DPP9: variants seen among roughly 807,000 people sequenced by gnomAD.
The protein encoded by DPP9 is dipeptidyl peptidase IV-related protein-2.
DPP9 carries 50 observed loss-of-function variants against 110.7 expected under a neutral mutation model. The observed-to-expected ratio is 0.45, with a 90% CI of 0.36 to 0.57. The LOEUF (loss-of-function observed/expected upper bound fraction) is 0.57, where lower values mean the gene tolerates loss of function less well. Among genes scored for constraint, DPP9 ranks in the 20% least tolerant of loss-of-function variants. The pLI is 0.00. For synonymous variants in DPP9, 561 were observed against 514.4 expected, an observed-to-expected ratio of 1.09 and a Z score of -1.23; for missense variants, 1,022 against 1,217.9, an observed-to-expected ratio of 0.84 and a Z score of 2.39.
chr19:4,704,202 T>C lies in DPP9; in HGVS notation c.529A>G (p.Ser177Gly). Reference protein sequence around the residue: ...GITSYDFHSESGLFLFQASNS... With the variant: ...GITSYDFHSEGGLFLFQASNS... ...CTGGCCTGGAAGAGGAAGAGGCCAC[T>C]CTCGCTGTGGAAGTCGTAGGAGGTG... Residue 177 changes from serine to glycine, a missense_variant, in exon 6 of 22, where the codon AGT (serine) becomes GGT (glycine). Ser to Gly is a moderately conservative substitution (Grantham distance 56). Coordinates refer to ENST00000262960, the MANE Select transcript of DPP9 (RefSeq NM_139159.5). The surrounding 1 kb of genome is among the most constrained non-coding windows in gnomAD (Gnocchi z 6.0). The C allele has an allele frequency of 6.2e-7, 1 of 1,613,968 alleles. No individual in the cohort carries two copies. The highest frequency in any genetic ancestry group is 8.5e-7 in the Non-Finnish European group (1 of 1,179,878).
chr19:4,702,085 G>C lies in DPP9; in HGVS notation c.954C>G (p.His318Gln). 1 of 1,613,968 alleles carries C rather than the reference G, an allele frequency of 6.2e-7. No homozygotes were observed. The highest frequency in any genetic ancestry group is 8.5e-7 in the Non-Finnish European group (1 of 1,179,850). ...TTTCTTCTAGCGCAGGAGAGGGGAC[G>C]TGAATGACCTCCACCTCGGACTCAT... The part of the protein sequence containing the change: ...EVDESEVEVI[H>Q]VPSPALEERK... The change falls in exon 9 of 22, where the codon CAC becomes CAG. Residue 318 changes from histidine (H) to glutamine (Q), a missense_variant. This residue lies in a region of DPP9 where 810 missense variants were observed against 920.6 expected (regional missense o/e 0.88). Transcript: ENST00000262960.
Position 4,704,152 on chromosome 19 carries a change from G to C in DPP9, c.579C>G (p.Asp193Glu). Residue 193 changes from aspartate (D) to glutamate (E), a missense_variant, in exon 6 of 22, where the codon GAC becomes GAG. Transcript: ENST00000262960. This position sits in a 1 kb window ranked among gnomAD's most constrained non-coding sequence, Gnocchi z 6.0. The part of the protein sequence containing the change: ...QASNSLFHCR[D>E]GGKNGFMVSP... Reference sequence around the variant, plus strand: ...TCACCATGAAGCCGTTCTTGCCGCCGTCGCGGCAGTGGAAGAGGCTGTTGC... The same window carrying C: ...TCACCATGAAGCCGTTCTTGCCGCCCTCGCGGCAGTGGAAGAGGCTGTTGC... 2 of 1,613,962 alleles carry C rather than the reference G, an allele frequency of 1.2e-6. No individual in the cohort carries two copies. The highest frequency in any genetic ancestry group is 1.7e-6 in the Non-Finnish European group (2 of 1,179,900).
At chr19:4,721,979 C>G (rs758510) in intron 2 of DPP9, among the ~76,000 whole-genome samples, 107,827 of 152,054 alleles carry the variant, frequency 0.71, 38,634 homozygotes, top group Middle Eastern at 0.85. Flanking sequence ...TGAGCTTCCA[C>G]TTCCCCAGCG....
rs1480273302 is a variant in DPP9, at chr19:4,719,894, T to C, written c.13A>G (p.Lys5Glu). Residue 5 changes from lysine (K) to glutamate (E), a missense_variant, in exon 3 of 22, where the codon AAG (lysine) becomes GAG (glutamate). By Grantham distance (56) the Lys-to-Glu change is moderately conservative. Coordinates refer to ENST00000262960, the MANE Select transcript of DPP9 (RefSeq NM_139159.5). MRKV[K>E]KLRLDKENTG... ...TTCTCCTTGTCCAGGCGCAGTTTCT[T>C]AACCTTCCGCATTAACCGCTCAGCT... 6.4e-7 allele frequency: 1 copy of C among 1,551,738 alleles called. No homozygotes were observed. The highest frequency in any genetic ancestry group is 8.7e-7 in the Non-Finnish European group (1 of 1,147,006).
In DPP9 at chr19:4,689,541, G is replaced by A; in HGVS notation, c.1749+29C>T. 1 of 1,541,362 alleles carries A rather than the reference G, an allele frequency of 6.5e-7. No individual in the cohort carries two copies. Among genetic ancestry groups the A allele is most frequent in the African/African-American group, 1.4e-5 (1 of 73,198 alleles). On this transcript the variant is annotated intron_variant, in intron 15 of 21. Coordinates refer to ENST00000262960, the MANE Select transcript of DPP9 (RefSeq NM_139159.5). The surrounding 1 kb of genome is among the most constrained non-coding windows in gnomAD (Gnocchi z 7.0). The stretch of plus-strand genomic sequence containing the variant: ...GCTGGGAGCTGTTGGACGGGCACAG[G>A]GCGGTGCCGTGAGGCTGGGCGGTCC...
At position 4,697,040 on chromosome 19, in the gene DPP9, A is replaced by G. The variant is rs571194438; in HGVS notation, c.1175+511T>C. Among the ~76,000 whole-genome samples, 12 of 152,032 alleles carry G rather than the reference A, an allele frequency of 7.9e-5. No homozygotes were observed. In the South Asian group the frequency reaches 2.3e-3, roughly 29 times the overall value. ...CTTGAGCCTGGGAATTCGGGGCTGC[A>G]GTGAGTTATGATCGCACCACTGCAC... is the stretch of plus-strand genomic sequence containing the variant. On this transcript the variant is annotated intron_variant, in intron 11 of 21. Transcript: ENST00000262960.
intron 16 of DPP9, among the ~76,000 whole-genome samples, chr19:4,686,237 C>T (rs547366180): frequency 2.6e-5 from 4 of 151,854 alleles, no homozygotes; most frequent in East Asian, 1.9e-4. Flanking sequence ...TATAGGTGCA[C>T]GGCACCACGC....
intron 1 of DPP9, among the ~76,000 whole-genome samples, chr19:4,723,104 AAG>A (rs1364851914): frequency 2.6e-5 from 4 of 152,166 alleles, no homozygotes; most frequent in Non-Finnish European, 5.9e-5. Flanking sequence ...CGGCAGGAAA[AAG>A]AGTCTCTGGA....
Position 4,697,563 on chromosome 19 carries a change from C to T in DPP9, c.1163G>A (p.Arg388Gln), listed in dbSNP as rs756303433. 122 of 1,613,368 alleles carry T rather than the reference C, an allele frequency of 7.6e-5. No individual in the cohort carries two copies. Among genetic ancestry groups the T allele is most frequent in the Admixed American group, 1.3e-4 (8 of 59,954 alleles). The change falls in exon 11 of 22, where the codon CGG (arginine) becomes CAG (glutamine). Residue 388 changes from arginine (R) to glutamine (Q), a missense_variant. Physicochemically the swap from Arg to Gln is conservative, Grantham distance 43 (BLOSUM62 1). This residue lies in a region of DPP9 where 810 missense variants were observed against 920.6 expected (regional missense o/e 0.88). Coordinates refer to ENST00000262960, the MANE Select transcript of DPP9 (RefSeq NM_139159.5). ...CAGAGACACTCACTATTTGCCATCC[C>T]GGGTCCACCCGGCCCTGGCGATGTA... ...VEYIARAGWT[R>Q]DGKYAWAMFL...
In DPP9 at chr19:4,707,108, G is replaced by A. The variant is rs145310769; in HGVS notation, c.314-1138C>T. On this transcript the variant is annotated intron_variant, in intron 4 of 21. Transcript: ENST00000262960. ...ATGACGGTAGTGAGAGCTGCCAAGC[G>A]AGGGTTTTGGGTGGATTACATGAGG... Among the ~76,000 whole-genome samples, 1,342 of 152,298 alleles carry A rather than the reference G, an allele frequency of 8.8e-3. 52 individuals are homozygous for A. The highest frequency in any genetic ancestry group is 0.058 in the Admixed American group (883 of 15,286).
At chr19:4,703,815 G>C in intron 7 of DPP9, 71 bp downstream of exon 7, 1 of 1,495,550 alleles carries the variant, frequency 6.7e-7, no homozygotes, top group Non-Finnish European at 9.0e-7. Context: ...CCTGGCTGTG[G>C]GGGCAATGGG....
intron 9 of DPP9, 99 bp downstream of exon 9, chr19:4,701,928 C>T: frequency 8.7e-6 from 13 of 1,489,036 alleles, no homozygotes; most frequent in South Asian, 2.6e-5. Context: ...AGAGCACACA[C>T]ATGCAGCTCA....
In DPP9 at chr19:4,695,651, A is replaced by G; in HGVS notation, c.1176-96T>C. 1 of 1,146,924 alleles carries G rather than the reference A, an allele frequency of 8.7e-7. No homozygotes were observed. Among genetic ancestry groups the G allele is most frequent in the Non-Finnish European group, 1.2e-6 (1 of 853,286 alleles). The allele number at this position is 1,146,924 out of a possible 1,614,324, so 71.0% of individuals were successfully genotyped here. A position where few individuals can be genotyped will look rare whatever the true frequency, so the allele number is the denominator to read the frequency against. The stretch of plus-strand genomic sequence containing the variant: ...GGACGCAGCGTCCAAACCCGTGTGG[A>G]ATCAGGGCTGGGCTTCCTGCGCTGG... On this transcript the variant is annotated intron_variant, in intron 11 of 21. Coordinates refer to ENST00000262960, the MANE Select transcript of DPP9 (RefSeq NM_139159.5). The surrounding 1 kb of genome is among the most constrained non-coding windows in gnomAD (Gnocchi z 4.7).
rs2091669359 is a variant in DPP9 at position 4,695,020 on chromosome 19, G to A, written c.1354-197C>T. On this transcript the variant is annotated intron_variant, in intron 12 of 21. Transcript: ENST00000262960. The surrounding 1 kb of genome is among the most constrained non-coding windows in gnomAD (Gnocchi z 4.7). ...AAATAAATTAGCCAGGCATGGTGGT[G>A]CAGGCTTGTGGTCCTAGCTACTCTG... 3.2e-6 allele frequency: 2 copies of A among 626,180 alleles called. No individual in the cohort carries two copies. The highest frequency in any genetic ancestry group is 5.5e-6 in the Non-Finnish European group (2 of 362,234). 38.8% of individuals were successfully genotyped at this position (626,180 alleles called of 1,614,324 possible).
chr19:4,695,778 A>G lies in DPP9; in HGVS notation c.1176-223T>C, dbSNP rs1273660342. 1.3e-5 allele frequency among the ~76,000 whole-genome samples: 2 copies of G among 152,190 alleles called. No individual in the cohort carries two copies. Among genetic ancestry groups the G allele is most frequent in the East Asian group, 3.8e-4 (2 of 5,198 alleles). ...ATGGGTGACAAGATTTCATGATCCA[A>G]GTGTTCCGGAAACAATGGCCTAAGT... On this transcript the variant is annotated intron_variant, in intron 11 of 21. Transcript: ENST00000262960. The surrounding 1 kb of genome is among the most constrained non-coding windows in gnomAD (Gnocchi z 4.7).
Position 4,685,396 on chromosome 19 carries a change from A to C in DPP9, c.2031+230T>G. On this transcript the variant is annotated intron_variant, in intron 17 of 21. Transcript: ENST00000262960. The surrounding 1 kb of genome is among the most constrained non-coding windows in gnomAD (Gnocchi z 5.8). ...GGGAGAGTCAGCAGGCGGAGGGGGAAGGGGAGGCCATCCAGGAAGGGCGGG... is the reference window on the plus strand; with the variant it reads ...GGGAGAGTCAGCAGGCGGAGGGGGACGGGGAGGCCATCCAGGAAGGGCGGG... The C allele has an allele frequency of 7.6e-6, 5 of 659,036 alleles. No homozygotes were observed. The highest frequency in any genetic ancestry group is 1.1e-5 in the Non-Finnish European group (4 of 358,008). The allele number at this position is 659,036 out of a possible 1,614,324, so 40.8% of individuals were successfully genotyped here. A position where few individuals can be genotyped will look rare whatever the true frequency, so the allele number is the denominator to read the frequency against.
chr19:4,722,196 G>A (rs1021504569), intron 2 of DPP9: 8 of 357,090 alleles, frequency 2.2e-5, no homozygotes, highest in East Asian at 4.9e-5. Flanking sequence ...TTTACTGACC[G>A]GGTCAGGCAG....
chr19:4,703,915 T>C lies in DPP9; in HGVS notation c.740A>G (p.Glu247Gly), dbSNP rs770220228. Residue 247 changes from glutamate (E) to glycine (G), a missense_variant, in exon 7 of 22, where the codon GAG becomes GGG. Around this residue, in one of 3 missense-constraint regions of DPP9, gnomAD observed 810 missense variants for 920.6 expected, o/e 0.88. Transcript: ENST00000262960. ...GTGGCAGAAGGTCAGCCGCCGCTCCTCGCCTGTCTCGATGTTGGCCACCCA... is the reference window on the plus strand; with the variant it reads ...GTGGCAGAAGGTCAGCCGCCGCTCCCCGCCTGTCTCGATGTTGGCCACCCA... Reference protein sequence around the residue: ...DLWVANIETGEERRLTFCHQG... With the variant: ...DLWVANIETGGERRLTFCHQG... The C allele has an allele frequency of 6.2e-7, 1 of 1,610,946 alleles. No individual in the cohort carries two copies. Among genetic ancestry groups the C allele is most frequent in the African/African-American group, 1.3e-5 (1 of 74,856 alleles).
At chr19:4,699,176 A>G (rs955958199) in intron 10 of DPP9, among the ~76,000 whole-genome samples, 1 of 151,548 alleles carries the variant, frequency 6.6e-6, no homozygotes, top group African/African-American at 2.4e-5. Flanking sequence ...AAAAAAAAAA[A>G]AAAAAAAGAA....
Sources: allele counts gnomAD v4.1 joint callset (sites outside exome capture counted in the v4.1 genomes callset), GRCh38; gene constraint gnomAD v4.1.1; regional missense constraint gnomAD v4.1.1; non-coding constraint Gnocchi (gnomAD v3.1); transcripts MANE v1.5; gene names NCBI Gene and HGNC (gene_info 2026-07-23, HGNC 2026-07-21).